The following SLC4A8 variants were observed in gnomAD, a reference collection of about 807,000 sequenced individuals.
The protein encoded by SLC4A8 is electroneutral sodium bicarbonate exchanger 1.
SLC4A8 carries 40 observed loss-of-function variants against 125.0 expected under a neutral mutation model. The observed-to-expected ratio is 0.32, with a 90% CI of 0.25 to 0.42. The LOEUF is 0.42. Ranked by LOEUF, SLC4A8 falls within the 10% of genes least tolerant of loss-of-function variation. The pLI, the probability that SLC4A8 is intolerant of heterozygous loss-of-function variation, is 1.00. For missense variants in SLC4A8, 863 were observed against 1,355.1 expected (o/e 0.64, Z 5.70); for synonymous variants, 456 against 476.0 (o/e 0.96, Z 0.55).
intron 8 of SLC4A8, among the ~76,000 whole-genome samples, chr12:51,460,383 G>C (rs1348619841): frequency 1.9e-5 from 1 of 51,650 alleles, no homozygotes; most frequent in Non-Finnish European, 4.2e-5. Context: ...GACAGAGTGA[G>C]ACCCTGTCTT....
intron 1 of SLC4A8, among the ~76,000 whole-genome samples, chr12:51,438,981 A>G (rs2138115464): frequency 6.6e-6 from 1 of 152,316 alleles, no homozygotes; most frequent in East Asian, 1.9e-4. Context: ...TGTTATGTGA[A>G]AAGTCTGTGC....
rs2138304965 is a variant in SLC4A8, at chr12:51,471,470, T to G, written c.1842T>G (p.Ile614Met). The change falls in exon 14 of 25, where the codon ATT (isoleucine) becomes ATG (methionine). Residue 614 changes from isoleucine (I) to methionine (M), a missense_variant. Around this residue, in one of 6 missense-constraint regions of SLC4A8, gnomAD observed 76 missense variants for 80.2 expected, o/e 0.95. Coordinates refer to ENST00000453097, the MANE Select transcript of SLC4A8 (RefSeq NM_001039960.3). ...IFIYEAIEKL[I>M]HLAETYPIHM... ...TCTATGAAGCAATAGAAAAACTGAT[T>G]CACCTGGCAGAGACCTACCCCATCC... 1.2e-6 allele frequency: 2 copies of G among 1,614,168 alleles called. No individual in the cohort carries two copies. Among genetic ancestry groups the G allele is most frequent in the East Asian group, 4.5e-5 (2 of 44,894 alleles).
At position 51,496,973 on chromosome 12, in the gene SLC4A8, T is replaced by A. The variant is rs79635217; in HGVS notation, c.2944-14T>A. 8,630 of 1,609,970 alleles carry A rather than the reference T, an allele frequency of 5.4e-3. 72 individuals carry two copies. Among genetic ancestry groups the A allele is most frequent in the African/African-American group, 0.031 (2,327 of 74,572 alleles). On this transcript the variant is annotated splice_polypyrimidine_tract_variant and intron_variant, in intron 21 of 24. Coordinates refer to ENST00000453097, the MANE Select transcript of SLC4A8 (RefSeq NM_001039960.3). ...AGTCCCTTTAATTCACTTTTTTTTT[T>A]AATTTTTCTTCAGGTTTTGGCCTTG...
chr12:51,448,660 G>T (rs1949865609), intron 2 of SLC4A8, among the ~76,000 whole-genome samples: 1 of 152,158 alleles, frequency 6.6e-6, no homozygotes, highest in Non-Finnish European at 1.5e-5. Flanking sequence ...GGAGCCCAGA[G>T]CACCCAAGTG....
chr12:51,399,167 G>C (rs1948322921), intron 1 of SLC4A8, among the ~76,000 whole-genome samples: 1 of 152,206 alleles, frequency 6.6e-6, no homozygotes, highest in African/African-American at 2.4e-5. Flanking sequence ...TAACTCATTG[G>C]TAGATGAGTC....
intron 16 of SLC4A8, among the ~76,000 whole-genome samples, chr12:51,478,537 G>A (rs575196005): frequency 6.6e-6 from 1 of 152,234 alleles, no homozygotes; most frequent in South Asian, 2.1e-4. Flanking sequence ...TGCAACCTGG[G>A]ATTAAATTGG....
At chr12:51,449,542 G>C (rs1949896642) in intron 2 of SLC4A8, among the ~76,000 whole-genome samples, 1 of 152,198 alleles carries the variant, frequency 6.6e-6, no homozygotes, top group Non-Finnish European at 1.5e-5. Flanking sequence ...CTCCTTTGGT[G>C]GAAGATGTGG....
chr12:51,496,811 T>TG (rs1158323432), intron 21 of SLC4A8, among the ~76,000 whole-genome samples, 176 bp from the exon 22 acceptor site: 1 of 152,196 alleles, frequency 6.6e-6, no homozygotes, highest in African/African-American at 2.4e-5. Context: ...AAATACTGTA[T>TG]GTAACACATG....
intron 1 of SLC4A8, 37 bp downstream of exon 1, chr12:51,425,072 G>C (rs770027089): frequency 3.6e-5 from 56 of 1,541,218 alleles, no homozygotes; most frequent in Non-Finnish European, 4.8e-5. Context: ...GCTCCTCCCC[G>C]GGGCGCAGCC....
upstream of SLC4A8, chr12:51,424,764 T>A (rs1327746363): frequency 4.0e-6 from 2 of 505,498 alleles, no homozygotes; most frequent in African/African-American, 2.0e-5. Flanking sequence ...CCGGACAGCG[T>A]CCTCCCGTGC....
In SLC4A8 at chr12:51,514,027, A is replaced by G. The variant is rs1938452567; in HGVS notation, c.*6589A>G. 6.6e-6 allele frequency: 1 copy of G among 152,304 alleles called. No homozygotes were observed. The highest frequency in any genetic ancestry group is 2.4e-5 in the African/African-American group (1 of 41,430). The allele number at this position is 152,304 out of a possible 1,614,324, so 9.4% of individuals were successfully genotyped here. ...TTCAATGTCCATGTTCTGAGTCTCA[A>G]GTTTTCCTGAAGCACAGGAGCAGGC... On this transcript the variant is annotated 3_prime_UTR_variant, in exon 25 of 25. Coordinates refer to ENST00000453097, the MANE Select transcript of SLC4A8 (RefSeq NM_001039960.3).
intron 1 of SLC4A8, among the ~76,000 whole-genome samples, chr12:51,436,999 A>C (rs1949443548): frequency 6.6e-6 from 1 of 152,188 alleles, no homozygotes. Context: ...CAAATTATAC[A>C]GTTTTCTCCA....
intron 1 of SLC4A8, among the ~76,000 whole-genome samples, chr12:51,392,571 C>CAAAAAAAAAAAAAAAAAA (rs35992841): frequency 8.4e-6 from 1 of 119,204 alleles, no homozygotes; most frequent in Non-Finnish European, 1.7e-5. Flanking sequence ...GATTCCGTAT[C>CAAAAAAAAAAAAAAAAAA]AAAAAAAAAA....
At chr12:51,403,312 G>T (rs1948428017) in intron 1 of SLC4A8, 1 of 444,470 alleles carries the variant, frequency 2.2e-6, no homozygotes, top group African/African-American at 2.0e-5. Flanking sequence ...ATATGTGCCT[G>T]TTACTCCACC....
At chr12:51,428,988 C>T (rs1036011920) in intron 1 of SLC4A8, among the ~76,000 whole-genome samples, 6 of 152,166 alleles carry the variant, frequency 3.9e-5, no homozygotes, top group Non-Finnish European at 1.5e-5. Context: ...CGGCTCACTG[C>T]AACCTCCAAC....
chr12:51,490,908 G>T (rs1264954467), intron 19 of SLC4A8, among the ~76,000 whole-genome samples: 1 of 152,206 alleles, frequency 6.6e-6, no homozygotes, highest in Non-Finnish European at 1.5e-5. Flanking sequence ...GACCAGTGAA[G>T]CTGTTGCAGG....
chr12:51,451,223 C>T (rs1484226309), intron 3 of SLC4A8, among the ~76,000 whole-genome samples: 1 of 152,176 alleles, frequency 6.6e-6, no homozygotes, highest in Admixed American at 6.5e-5. Context: ...GCTGGGACTA[C>T]AGGCGCCCGC....
chr12:51,447,606 G>A (rs1949814211), intron 2 of SLC4A8, among the ~76,000 whole-genome samples: 1 of 151,654 alleles, frequency 6.6e-6, no homozygotes, highest in South Asian at 2.1e-4. Flanking sequence ...ATGAAGAGGA[G>A]ATGGAGTCAA....
intron 2 of SLC4A8, among the ~76,000 whole-genome samples, chr12:51,447,052 G>GTCTATCTATCTGTCTA (rs386363007): frequency 1.3e-5 from 2 of 149,366 alleles, no homozygotes; most frequent in African/African-American, 2.5e-5. Context: ...CTGTCTGTCT[G>GTCTATCTATCTGTCTA]TCTGTCTATC....
Sources: allele counts gnomAD v4.1 joint callset (sites outside exome capture counted in the v4.1 genomes callset), GRCh38; gene constraint gnomAD v4.1.1; regional missense constraint gnomAD v4.1.1; transcripts MANE v1.5; gene names NCBI Gene and HGNC (gene_info 2026-07-23, HGNC 2026-07-21).